Variants in IGF2BP3 observed in about 807,000 individuals in gnomAD.
IGF2BP3 encodes the protein insulin-like growth factor 2 mRNA-binding protein 3.
In IGF2BP3, 9 loss-of-function variants were observed where a neutral mutation model predicts 73.8. That is an observed-to-expected ratio of 0.12 (90% CI 0.07 to 0.21). The LOEUF is 0.21. IGF2BP3 is among the 10% of genes least tolerant of loss of function. The probability of loss-of-function intolerance (pLI) is 1.00; values close to 1 mark genes in which losing one functional copy is unlikely to be tolerated. For synonymous variants in IGF2BP3, 258 were observed against 256.7 expected (o/e 1.01, Z -0.05); for missense variants, 542 against 714.0 (o/e 0.76, Z 2.75).
intron 3 of IGF2BP3, among the ~76,000 whole-genome samples, chr7:23,408,959 C>T (rs1057262857): frequency 6.9e-6 from 1 of 145,720 alleles, no homozygotes; most frequent in African/African-American, 2.6e-5. Flanking sequence ...AATTTTTCCA[C>T]GGACAGAGAG....
Position 23,454,259 on chromosome 7 carries a change from T to C in IGF2BP3, c.236+14223A>G, listed in dbSNP as rs1355461393. On this transcript the variant is annotated intron_variant, in intron 2 of 14. Transcript: ENST00000258729. The stretch of plus-strand genomic sequence containing the variant: ...CCTGGTCTATTATTTCCTTTACGTA[T>C]GATCTCTCCTAAGATAATTCCATAA... Among the ~76,000 whole-genome samples, 3 of 152,212 alleles carry C rather than the reference T, an allele frequency of 2.0e-5. No individual in the cohort carries two copies. The East Asian group carries it at 5.8e-4, about 29-fold the overall frequency.
At chr7:23,351,229 T>C (rs1784951659) in intron 6 of IGF2BP3, 76 bp downstream of exon 6, 19 of 1,535,910 alleles carry the variant, frequency 1.2e-5, no homozygotes, top group Non-Finnish European at 1.6e-5. Flanking sequence ...GGGCACCAAG[T>C]ACCAGAACGA....
At chr7:23,365,259 G>A (rs1375544684) in intron 3 of IGF2BP3, among the ~76,000 whole-genome samples, 2 of 152,220 alleles carry the variant, frequency 1.3e-5, no homozygotes, top group Non-Finnish European at 2.9e-5. Flanking sequence ...GGTTCAGGGA[G>A]TAGGAAGTAA....
chr7:23,468,048 AC>A (rs1788609193), intron 2 of IGF2BP3: 1 of 207,290 alleles, frequency 4.8e-6, no homozygotes, highest in East Asian at 1.3e-4. Flanking sequence ...CGGCCTCCCA[AC>A]CCCGGACAGA....
chr7:23,446,131 T>TA (rs1562757748), intron 2 of IGF2BP3, among the ~76,000 whole-genome samples: 2 of 152,194 alleles, frequency 1.3e-5, no homozygotes, highest in Non-Finnish European at 2.9e-5. Flanking sequence ...CACTTGCCTT[T>TA]AAAAAACCTC....
At chr7:23,366,847 T>G (rs1785387433) in intron 3 of IGF2BP3, among the ~76,000 whole-genome samples, 2 of 152,160 alleles carry the variant, frequency 1.3e-5, no homozygotes, top group Non-Finnish European at 2.9e-5. Context: ...TGTACTATAG[T>G]AATCCCATCA....
chr7:23,435,789 G>A (rs563356812), intron 2 of IGF2BP3, among the ~76,000 whole-genome samples: 100 of 151,374 alleles, frequency 6.6e-4, no homozygotes, highest in African/African-American at 2.1e-3. Flanking sequence ...AGACAGTCTC[G>A]CTCTGCAGCC....
At chr7:23,371,152 C>T (rs1186544699) in intron 3 of IGF2BP3, among the ~76,000 whole-genome samples, 3 of 146,312 alleles carry the variant, frequency 2.1e-5, no homozygotes, top group Non-Finnish European at 4.4e-5. Flanking sequence ...AAACACCTTG[C>T]CAACACACAC....
In IGF2BP3 at chr7:23,428,047, G is replaced by A. The variant is rs561312201; in HGVS notation, c.237-9223C>T. On this transcript the variant is annotated intron_variant, in intron 2 of 14. Transcript: ENST00000258729. ...AATAATTAACCGGGTGTGGTGGCAC[G>A]CACCTGTAATCCCAGCTACTTAGGA... Among the ~76,000 whole-genome samples, 115 of 151,878 alleles carry A rather than the reference G, an allele frequency of 7.6e-4. 1 individual carries two copies. The highest frequency in any genetic ancestry group is 2.7e-3 in the African/African-American group (111 of 41,426).
intron 2 of IGF2BP3, among the ~76,000 whole-genome samples, chr7:23,425,029 A>G (rs879512433): frequency 6.6e-6 from 1 of 152,222 alleles, no homozygotes; most frequent in Admixed American, 6.5e-5. Flanking sequence ...AAAAATAAGG[A>G]GCTTTATTTC....
intron 2 of IGF2BP3, among the ~76,000 whole-genome samples, chr7:23,447,527 A>C (rs910255828): frequency 6.6e-6 from 1 of 151,822 alleles, no homozygotes; most frequent in Non-Finnish European, 1.5e-5. Context: ...CGGGAGGCTG[A>C]GGAATGAGAA....
At chr7:23,356,589 T>C (rs1785102230) in intron 5 of IGF2BP3, among the ~76,000 whole-genome samples, 2 of 152,068 alleles carry the variant, frequency 1.3e-5, no homozygotes, top group South Asian at 4.2e-4. Flanking sequence ...ATAAATAAAA[T>C]TCCATGTCTA....
chr7:23,391,097 C>CT (rs773815068), intron 3 of IGF2BP3, among the ~76,000 whole-genome samples: 2,488 of 105,854 alleles, frequency 0.024, 52 homozygotes, highest in East Asian at 0.077. Flanking sequence ...TCGCGCCTGG[C>CT]TTTTTTTTTT....
At chr7:23,454,733 T>C (rs1788276546) in intron 2 of IGF2BP3, among the ~76,000 whole-genome samples, 1 of 152,212 alleles carries the variant, frequency 6.6e-6, no homozygotes, top group Admixed American at 6.5e-5. Flanking sequence ...CTTACCACTG[T>C]GCTGTACTGC....
intron 2 of IGF2BP3, among the ~76,000 whole-genome samples, chr7:23,460,260 GC>G (rs1461364446): frequency 6.6e-6 from 1 of 150,892 alleles, no homozygotes; most frequent in Non-Finnish European, 1.5e-5. Flanking sequence ...AGATCAACTG[GC>G]CAGGAGCGGT....
intron 3 of IGF2BP3, among the ~76,000 whole-genome samples, chr7:23,394,251 A>C (rs1442454123): frequency 2.0e-5 from 3 of 152,146 alleles, no homozygotes; most frequent in Non-Finnish European, 4.4e-5. Flanking sequence ...CTAAGTGTAT[A>C]AGCCCAGGAG....
At chr7:23,321,811 A>G (rs1198178599) in intron 10 of IGF2BP3, among the ~76,000 whole-genome samples, 1 of 152,208 alleles carries the variant, frequency 6.6e-6, no homozygotes, top group Non-Finnish European at 1.5e-5. Flanking sequence ...CAGCAGGGGC[A>G]CACTGACACC....
chr7:23,344,938 T>C (rs1366267004), intron 8 of IGF2BP3, among the ~76,000 whole-genome samples: 1 of 152,262 alleles, frequency 6.6e-6, no homozygotes, highest in African/African-American at 2.4e-5. Flanking sequence ...GCTTCTAGAA[T>C]AACTTTTGAG....
At chr7:23,327,571 G>A (rs991733106) in intron 10 of IGF2BP3, among the ~76,000 whole-genome samples, 23 of 152,222 alleles carry the variant, frequency 1.5e-4, no homozygotes, top group African/African-American at 5.5e-4. Flanking sequence ...GTGAGCCACC[G>A]CACCCGTCCT....
Sources: gnomAD v4.1 joint callset for allele counts (sites outside exome capture counted in the v4.1 genomes callset) on GRCh38, gnomAD v4.1.1 for gene constraint, MANE v1.5 for transcripts, NCBI Gene and HGNC (gene_info 2026-07-23, HGNC 2026-07-21) for gene names.